The following MIR2052HG variants were observed in gnomAD, a reference collection of about 807,000 sequenced individuals.
MIR2052HG encodes the protein MIR2052 host gene.
At chr8:74,669,510 T>C (rs1808967638) in intron 2 of MIR2052HG, among the ~76,000 whole-genome samples, 2 of 152,210 alleles carry the variant, frequency 1.3e-5, no homozygotes, top group Non-Finnish European at 2.9e-5. Flanking sequence ...TGAGATCTTG[T>C]CATTTTCCTA....
chr8:74,605,202 T>C (rs1202661622), intron 1 of MIR2052HG, among the ~76,000 whole-genome samples: 1 of 152,160 alleles, frequency 6.6e-6, no homozygotes, highest in Non-Finnish European at 1.5e-5. Flanking sequence ...AGGTTGCCAT[T>C]ACTTGCATGC....
At chr8:74,629,690 A>T (rs535246140) in intron 2 of MIR2052HG, among the ~76,000 whole-genome samples, 21 of 152,158 alleles carry the variant, frequency 1.4e-4, no homozygotes, top group Non-Finnish European at 2.6e-4. Flanking sequence ...GGGGTGGTGC[A>T]TTGGCCCAGT....
intron 4 of MIR2052HG, among the ~76,000 whole-genome samples, chr8:74,709,825 A>G (rs1039506275): frequency 1.1e-4 from 17 of 152,106 alleles, no homozygotes; most frequent in African/African-American, 4.1e-4. Context: ...TAGTCTGTCC[A>G]TTTACTTTTT....
chr8:74,633,080 C>A (rs1255816552), intron 2 of MIR2052HG, among the ~76,000 whole-genome samples: 1 of 152,128 alleles, frequency 6.6e-6, no homozygotes, highest in Non-Finnish European at 1.5e-5. Context: ...AGTACAGTGG[C>A]TTGATCATGG....
At chr8:74,651,603 G>A (rs1350838548) in intron 2 of MIR2052HG, among the ~76,000 whole-genome samples, 13 of 152,176 alleles carry the variant, frequency 8.5e-5, no homozygotes, top group Non-Finnish European at 1.5e-4. Flanking sequence ...TCAAGTTGGT[G>A]TATGGTATGG....
At chr8:74,714,891 G>C (rs1443238970) in intron 4 of MIR2052HG, among the ~76,000 whole-genome samples, 1 of 151,834 alleles carries the variant, frequency 6.6e-6, no homozygotes, top group Non-Finnish European at 1.5e-5. Context: ...TTTTGGTAGA[G>C]ATGGGGTCAA....
chr8:74,737,939 A>G (rs1457652743), intron 4 of MIR2052HG, among the ~76,000 whole-genome samples: 4 of 152,198 alleles, frequency 2.6e-5, no homozygotes, highest in South Asian at 2.1e-4. Flanking sequence ...TTTGTTGGGT[A>G]TAGTGAATAA....
chr8:74,604,315 A>G (rs1808074641), intron 1 of MIR2052HG: 3 of 673,802 alleles, frequency 4.5e-6, no homozygotes, highest in Middle Eastern at 4.1e-4. Context: ...GGTGAAAGCC[A>G]AAAACTGCTG....
intron 2 of MIR2052HG, among the ~76,000 whole-genome samples, chr8:74,698,385 AC>A (rs1299661718): frequency 1.3e-5 from 2 of 152,238 alleles, no homozygotes; most frequent in Non-Finnish European, 2.9e-5. Flanking sequence ...GAAATCTGAA[AC>A]CTAAAACCAT....
At chr8:74,691,087 T>C (rs979016109) in intron 2 of MIR2052HG, among the ~76,000 whole-genome samples, 3 of 152,202 alleles carry the variant, frequency 2.0e-5, no homozygotes, top group Non-Finnish European at 4.4e-5. Flanking sequence ...CAACTCACAG[T>C]AATGTAAGTG....
chr8:74,600,091 C>T (rs766586588), intron 1 of MIR2052HG, among the ~76,000 whole-genome samples: 16 of 152,150 alleles, frequency 1.1e-4, no homozygotes, highest in Admixed American at 2.0e-4. Flanking sequence ...TCGGCTGGTG[C>T]ACGGTGTGCA....
chr8:74,609,058 C>G (rs987716081), intron 1 of MIR2052HG, among the ~76,000 whole-genome samples: 4 of 151,576 alleles, frequency 2.6e-5, no homozygotes, highest in African/African-American at 9.7e-5. Context: ...TTTTGGCAAC[C>G]AGTGATAAAA....
At chr8:74,660,824 T>C (rs530555853) in intron 2 of MIR2052HG, among the ~76,000 whole-genome samples, 2 of 77,912 alleles carry the variant, frequency 2.6e-5, no homozygotes, top group South Asian at 6.2e-4. Flanking sequence ...CATAAAAAAG[T>C]AATCTTGCTT....
At chr8:74,654,556 T>C (rs919719173) in intron 2 of MIR2052HG, among the ~76,000 whole-genome samples, 5 of 152,162 alleles carry the variant, frequency 3.3e-5, no homozygotes, top group African/African-American at 1.2e-4. Context: ...TTGATGGGCT[T>C]ATCAAGGGTT....
At chr8:74,738,613 C>T (rs1472443132) in intron 4 of MIR2052HG, among the ~76,000 whole-genome samples, 1 of 152,208 alleles carries the variant, frequency 6.6e-6, no homozygotes, top group Admixed American at 6.5e-5. Flanking sequence ...ACTATGTTCT[C>T]ATAACAGAGT....
rs1262480142 is a variant in MIR2052HG at position 74,732,793 on chromosome 8, A to G, written n.372-19648A>G. Among the ~76,000 whole-genome samples, 4 of 152,240 alleles carry G rather than the reference A, an allele frequency of 2.6e-5. No individual in the cohort carries two copies. In the East Asian group the frequency reaches 7.7e-4, roughly 29 times the overall value. ...GACATCAGTCACAAAGATCTAAAGA[A>G]GGGAATAAACAGCCCATTCAAGGAT... On this transcript the variant is annotated intron_variant and non_coding_transcript_variant, in intron 4 of 6. Transcript: ENST00000523442.
chr8:74,637,928 C>T (rs1380816921), intron 2 of MIR2052HG, among the ~76,000 whole-genome samples: 1 of 152,076 alleles, frequency 6.6e-6, no homozygotes, highest in Non-Finnish European at 1.5e-5. Context: ...GTGTTTGACT[C>T]TAGGGATATA....
At chr8:74,687,351 T>A (rs544349119) in intron 2 of MIR2052HG, among the ~76,000 whole-genome samples, 2 of 152,250 alleles carry the variant, frequency 1.3e-5, no homozygotes, top group East Asian at 3.9e-4. Context: ...TGGGCATATA[T>A]CCAAAATAAT....
chr8:74,711,677 AT>A (rs1809469672), intron 4 of MIR2052HG, among the ~76,000 whole-genome samples: 1 of 152,212 alleles, frequency 6.6e-6, no homozygotes, highest in South Asian at 2.1e-4. Context: ...GATTTGCTTT[AT>A]TCCAAACCAT....
Sources: gnomAD v4.1 joint callset for allele counts (sites outside exome capture counted in the v4.1 genomes callset) on GRCh38, gnomAD v4.1.1 for gene constraint, MANE v1.5 for transcripts, NCBI Gene and HGNC (gene_info 2026-07-23, HGNC 2026-07-21) for gene names.